The following PPM1B variants were observed in gnomAD, a reference collection of about 807,000 sequenced individuals.
The protein encoded by PPM1B is protein phosphatase 1B.
A neutral mutation model predicts 43.0 loss-of-function variants in PPM1B; 22 were observed. That is an observed-to-expected ratio of 0.51 (90% CI 0.37 to 0.73). The LOEUF (loss-of-function observed/expected upper bound fraction) is 0.73. Among genes scored for constraint, PPM1B ranks in the 30% least tolerant of loss-of-function variants. The pLI is 0.00. For missense variants in PPM1B, 632 were observed against 584.2 expected (o/e 1.08, Z -0.84); for synonymous variants, 217 against 197.9 (o/e 1.10, Z -0.81).
chr2:44,195,551 G>A (rs1668623177), intron 1 of PPM1B, among the ~76,000 whole-genome samples: 1 of 152,058 alleles, frequency 6.6e-6, no homozygotes, highest in Admixed American at 6.6e-5. Flanking sequence ...AGGTGTGGTG[G>A]CTCACACCTG....
intron 1 of PPM1B, among the ~76,000 whole-genome samples, chr2:44,199,309 A>AT (rs1668813149): frequency 7.5e-6 from 1 of 134,212 alleles, no homozygotes; most frequent in African/African-American, 3.2e-5. Flanking sequence ...ATCTCAAAAA[A>AT]AAAAAAAATA....
At chr2:44,241,882 G>A (rs367743542) in intron 5 of PPM1B, among the ~76,000 whole-genome samples, 5 of 128 alleles carry the variant, frequency 0.039, no homozygotes, top group Non-Finnish European at 0.054. Context: ...TTTTTGAGAC[G>A]GAGTCTCGCA....
Position 44,228,080 on chromosome 2 carries a change from G to A in PPM1B, c.1135-2333G>A, listed in dbSNP as rs116542105. On this transcript the variant is annotated intron_variant, in intron 5 of 5. Transcript: ENST00000282412. Reference sequence around the variant, plus strand: ...TGGGATTGCAGGCACTTGCCACTGCGTGCTGCTAATTTTTTGTATTTTTAG... The same window carrying A: ...TGGGATTGCAGGCACTTGCCACTGCATGCTGCTAATTTTTTGTATTTTTAG... 3.8e-3 allele frequency among the ~76,000 whole-genome samples: 574 copies of A among 150,704 alleles called. 3 individuals are homozygous for A. The highest frequency in any genetic ancestry group is 0.013 in the African/African-American group (551 of 41,036).
intron 1 of PPM1B, among the ~76,000 whole-genome samples, chr2:44,175,082 C>T (rs1667518226): frequency 6.6e-6 from 1 of 152,110 alleles, no homozygotes; most frequent in South Asian, 2.1e-4. Flanking sequence ...GGTGAAACCC[C>T]ATCTCTACTA....
At chr2:44,224,084 G>T (rs557145012) in intron 5 of PPM1B, among the ~76,000 whole-genome samples, 1 of 152,202 alleles carries the variant, frequency 6.6e-6, no homozygotes, top group Non-Finnish European at 1.5e-5. Flanking sequence ...TGTCTGACAA[G>T]CAGCACGTAG....
chr2:44,186,544 G>GTT (rs879261206), intron 1 of PPM1B, among the ~76,000 whole-genome samples: 7 of 146,506 alleles, frequency 4.8e-5, no homozygotes, highest in Non-Finnish European at 7.6e-5. Flanking sequence ...AATTTTTGAA[G>GTT]TTTTTTTTTT....
chr2:44,169,608 G>T (rs1370109023), intron 1 of PPM1B, among the ~76,000 whole-genome samples: 1 of 152,254 alleles, frequency 6.6e-6, no homozygotes, highest in African/African-American at 2.4e-5. Context: ...TCACACGAAA[G>T]CACTGGGGCT....
chr2:44,211,053 T>G (rs1490095456), intron 3 of PPM1B, among the ~76,000 whole-genome samples: 3 of 152,244 alleles, frequency 2.0e-5, no homozygotes, highest in African/African-American at 7.2e-5. Flanking sequence ...GGAGAACTGC[T>G]TGAACCTGGA....
intron 3 of PPM1B, 126 bp downstream of exon 3, chr2:44,209,453 G>C: frequency 9.5e-7 from 1 of 1,048,586 alleles, no homozygotes; most frequent in Non-Finnish European, 1.3e-6. Context: ...AATTTAGAGA[G>C]GGAAAGTATT....
intron 1 of PPM1B, among the ~76,000 whole-genome samples, chr2:44,197,371 G>C (rs895423408): frequency 1.3e-5 from 2 of 152,062 alleles, no homozygotes; most frequent in Non-Finnish European, 2.9e-5. Flanking sequence ...CTCCTACCTT[G>C]GCCTCCCAAA....
At chr2:44,208,053 T>A (rs1669278224) in intron 2 of PPM1B, among the ~76,000 whole-genome samples, 1 of 151,896 alleles carries the variant, frequency 6.6e-6, no homozygotes. Context: ...CACGCCTGGA[T>A]AATTTTTGTA....
At chr2:44,232,740 T>A (rs1207302129), downstream of PPM1B, 1 of 998,222 alleles carries the variant, frequency 1.0e-6, no homozygotes, top group African/African-American at 1.7e-5. Context: ...CATGTAAGAG[T>A]AAAGAATTGT....
intron 1 of PPM1B, among the ~76,000 whole-genome samples, chr2:44,189,044 G>C (rs948862797): frequency 1.3e-5 from 2 of 151,872 alleles, no homozygotes; most frequent in African/African-American, 4.8e-5. Flanking sequence ...TAATCTTTTT[G>C]TATTTTTTAT....
chr2:44,232,370 T>C, downstream of PPM1B: 1 of 1,603,802 alleles, frequency 6.2e-7, no homozygotes, highest in Non-Finnish European at 8.5e-7. Context: ...TAAAATGCTT[T>C]TGATTCTGAA....
At chr2:44,226,133 G>A (rs547113160) in intron 5 of PPM1B, among the ~76,000 whole-genome samples, 39 of 151,980 alleles carry the variant, frequency 2.6e-4, no homozygotes, top group South Asian at 8.3e-4. Context: ...CCGCCACCAC[G>A]CCCAGCTAAC....
At chr2:44,171,699 G>C (rs1572673774) in intron 1 of PPM1B, among the ~76,000 whole-genome samples, 1 of 151,914 alleles carries the variant, frequency 6.6e-6, no homozygotes, top group Non-Finnish European at 1.5e-5. Flanking sequence ...GTGCGGTGGC[G>C]CGTGCTTGTA....
At chr2:44,232,386 G>T (rs1670493809), downstream of PPM1B, 1 of 1,592,942 alleles carries the variant, frequency 6.3e-7, no homozygotes, top group Non-Finnish European at 8.5e-7. Flanking sequence ...CTGAAAATTG[G>T]GGGAAAAAAC....
chr2:44,174,962 A>C (rs1373458357), intron 1 of PPM1B, among the ~76,000 whole-genome samples: 1 of 152,194 alleles, frequency 6.6e-6, no homozygotes, highest in East Asian at 1.9e-4. Context: ...AGTCCCTTAA[A>C]AAGAGGACAT....
At chr2:44,229,535 T>A (rs1169234912) in intron 5 of PPM1B, among the ~76,000 whole-genome samples, 2 of 152,162 alleles carry the variant, frequency 1.3e-5, no homozygotes, top group Non-Finnish European at 2.9e-5. Flanking sequence ...CATATGATTG[T>A]TTTCTCATGT....
Sources: allele counts gnomAD v4.1 joint callset (sites outside exome capture counted in the v4.1 genomes callset), GRCh38; gene constraint gnomAD v4.1.1; transcripts MANE v1.5; gene names NCBI Gene and HGNC (gene_info 2026-07-23, HGNC 2026-07-21).